PXDN: variants seen among roughly 807,000 people sequenced by gnomAD.
The protein encoded by PXDN is peroxidasin homolog.
PXDN carries 77 observed loss-of-function variants against 140.3 expected under a neutral mutation model. That is an observed-to-expected ratio of 0.55 (90% confidence interval 0.46 to 0.66). The LOEUF (loss-of-function observed/expected upper bound fraction) is 0.66. Ranked by LOEUF, PXDN falls within the 30% of genes least tolerant of loss-of-function variation. PXDN has a pLI of 0.00. For missense variants in PXDN, 1,838 were observed against 2,039.5 expected, an observed-to-expected ratio of 0.90 and a Z score of 1.90; for synonymous variants, 911 against 857.4, an observed-to-expected ratio of 1.06 and a Z score of -1.09.
At chr2:1,710,886 T>C (rs367560818) in intron 1 of PXDN, among the ~76,000 whole-genome samples, 25 of 15,096 alleles carry the variant, frequency 1.7e-3, no homozygotes, top group Non-Finnish European at 1.9e-3. Context: ...CACCAGCACC[T>C]GCTCCACCAG....
At chr2:1,725,561 G>A (rs1685159095) in intron 1 of PXDN, among the ~76,000 whole-genome samples, 1 of 152,050 alleles carries the variant, frequency 6.6e-6, no homozygotes, top group Non-Finnish European at 1.5e-5. Flanking sequence ...GGCAACAAAA[G>A]CCAAAATTGA....
At chr2:1,654,573 C>G (rs945246922) in intron 14 of PXDN, 65 bp from the exon 15 acceptor site, 3 of 1,022,334 alleles carry the variant, frequency 2.9e-6, no homozygotes, top group African/African-American at 3.2e-5. Flanking sequence ...AAAATGATGT[C>G]TAGACACTAC....
Position 1,680,356 on chromosome 2 carries a change from C to T in PXDN, c.567G>A (p.Leu189=). Residue 189 remains leucine, a synonymous_variant, in exon 7 of 23, where the codon CTG becomes CTA. Transcript: ENST00000252804. ...NHLESMKRLR[L]DSNTLHCDCE... ...AGTCGCAGTGAAGTGTGTTTGAGTCCAGTCGCCTGTGGGAAGGAAGATGCA... is the reference window on the plus strand; with the variant it reads ...AGTCGCAGTGAAGTGTGTTTGAGTCTAGTCGCCTGTGGGAAGGAAGATGCA... 6.2e-7 allele frequency: 1 copy of T among 1,613,982 alleles called. No homozygotes were observed. The highest frequency in any genetic ancestry group is 8.5e-7 in the Non-Finnish European group (1 of 1,179,882).
chr2:1,632,458 G>C lies in PXDN; in HGVS notation c.*1746C>G, dbSNP rs1442215314. ...CTACATTTGACTTGCTATTTCAAAA[G>C]AAGTCCACATGTCATGAAACACCAA... On this transcript the variant is annotated 3_prime_UTR_variant, in exon 23 of 23. Coordinates refer to ENST00000252804, the MANE Select transcript of PXDN (RefSeq NM_012293.3). The surrounding 1 kb of genome is among the most constrained non-coding windows in gnomAD (Gnocchi z 4.3). The C allele has an allele frequency of 6.6e-6, 1 of 152,198 alleles. No homozygotes were observed. The highest frequency in any genetic ancestry group is 1.5e-5 in the Non-Finnish European group (1 of 68,040). 9.4% of individuals were successfully genotyped at this position (152,198 alleles called of 1,614,324 possible). A position where few individuals can be genotyped will look rare whatever the true frequency, so the allele number is the denominator to read the frequency against.
rs1240841820 is a variant in PXDN, at chr2:1,689,309, C to A, written c.345-1606G>T. Among the ~76,000 whole-genome samples, 15 of 152,178 alleles carry A rather than the reference C, an allele frequency of 9.9e-5. 1 individual carries two copies. The highest frequency in any genetic ancestry group is 9.2e-4 in the Admixed American group (14 of 15,274). ...AGAAGGCAAGTTTAAATGTAATTTT[C>A]TGTGCCCATTTATTTAAAAAGAAAA... On this transcript the variant is annotated intron_variant, in intron 3 of 22. Transcript: ENST00000252804.
rs558438287 is a variant in PXDN at position 1,713,639 on chromosome 2, C to T, written c.201-20505G>A. Among the ~76,000 whole-genome samples, 17 of 152,324 alleles carry T rather than the reference C, an allele frequency of 1.1e-4. No homozygotes were observed. In the South Asian group the frequency reaches 3.3e-3, roughly 30 times the overall value. On this transcript the variant is annotated intron_variant, in intron 1 of 22. Coordinates refer to ENST00000252804, the MANE Select transcript of PXDN (RefSeq NM_012293.3). ...AGGGGCTGTACCTCCAAATGGACCC[C>T]GGGTGGGCGGGAGCCTCGGTCCCCC...
chr2:1,713,199 G>C (rs1159151418), intron 1 of PXDN, among the ~76,000 whole-genome samples: 1 of 152,124 alleles, frequency 6.6e-6, no homozygotes, highest in Non-Finnish European at 1.5e-5. Context: ...GTCACAAGCA[G>C]GGCCCTCAGG....
At chr2:1,673,281 A>AC (rs1346040072) in intron 9 of PXDN, among the ~76,000 whole-genome samples, 1 of 152,144 alleles carries the variant, frequency 6.6e-6, no homozygotes, top group African/African-American at 2.4e-5. Context: ...CCTCGTTACC[A>AC]CATGGCAACA....
At chr2:1,731,030 C>T (rs1478778348) in intron 1 of PXDN, among the ~76,000 whole-genome samples, 1 of 152,124 alleles carries the variant, frequency 6.6e-6, no homozygotes, top group African/African-American at 2.4e-5. Flanking sequence ...GGTAAAATCA[C>T]TGTAAGTCCC....
chr2:1,743,881 G>T lies in PXDN; in HGVS notation c.200+375C>A, dbSNP rs1335538190. On this transcript the variant is annotated intron_variant, in intron 1 of 22. Transcript: ENST00000252804. ...GCGGAGGAGGGGCCGCGAACCAGGGGGAAGCGGGAGGCCGGCGGAGCATGA... is the reference window on the plus strand; with the variant it reads ...GCGGAGGAGGGGCCGCGAACCAGGGTGAAGCGGGAGGCCGGCGGAGCATGA... Among the ~76,000 whole-genome samples, 10 of 148,088 alleles carry T rather than the reference G, an allele frequency of 6.8e-5. No individual in the cohort carries two copies. In the East Asian group the frequency reaches 2.1e-3, roughly 31 times the overall value.
Position 1,744,464 on chromosome 2 carries a change from G to A in PXDN, c.-9C>T, listed in dbSNP as rs940713228. On this transcript the variant is annotated 5_prime_UTR_variant, in exon 1 of 23. Transcript: ENST00000252804. ...CTGGAGCGCTTGGCCATGGCCGACGGCGCGGACGGACGCTCGGACGCACGG... is the reference window on the plus strand; with the variant it reads ...CTGGAGCGCTTGGCCATGGCCGACGACGCGGACGGACGCTCGGACGCACGG... The A allele has an allele frequency of 5.5e-6, 8 of 1,448,682 alleles. No homozygotes were observed. In the African/African-American group the frequency reaches 1.0e-4, roughly 19 times the overall value. 89.7% of individuals were successfully genotyped at this position (1,448,682 alleles called of 1,614,324 possible). A position where few individuals can be genotyped will look rare whatever the true frequency, so the allele number is the denominator to read the frequency against.
rs765626714 is a variant in PXDN at position 1,714,974 on chromosome 2, G to C, written c.201-21840C>G. On this transcript the variant is annotated intron_variant, in intron 1 of 22. Transcript: ENST00000252804. This position sits in a 1 kb window ranked among gnomAD's most constrained non-coding sequence, Gnocchi z 4.3. ...CAGGTTTTAGGCGACATATGAACAC[G>C]CCACCCATTAATACAAAGCCCCCTC... 6.6e-6 allele frequency among the ~76,000 whole-genome samples: 1 copy of C among 151,984 alleles called. No homozygotes were observed. Among genetic ancestry groups the C allele is most frequent in the African/African-American group, 2.4e-5 (1 of 41,370 alleles).
At chr2:1,700,441 C>T (rs1035978615) in intron 1 of PXDN, among the ~76,000 whole-genome samples, 4 of 152,048 alleles carry the variant, frequency 2.6e-5, no homozygotes, top group African/African-American at 7.2e-5. Context: ...ATTTGGGTCA[C>T]GATGTTAAAA....
chr2:1,690,826 AG>A (rs1326619234), intron 3 of PXDN, among the ~76,000 whole-genome samples: 1 of 152,212 alleles, frequency 6.6e-6, no homozygotes, highest in Non-Finnish European at 1.5e-5. Context: ...TATCGCACAG[AG>A]GGAATATATT....
At chr2:1,706,088 C>T (rs1684599714) in intron 1 of PXDN, among the ~76,000 whole-genome samples, 1 of 152,152 alleles carries the variant, frequency 6.6e-6, no homozygotes. Context: ...GACTGGATGC[C>T]AGATTCAAGT....
At chr2:1,655,383 T>C (rs1052489575) in intron 14 of PXDN, among the ~76,000 whole-genome samples, 2 of 146,898 alleles carry the variant, frequency 1.4e-5, no homozygotes, top group South Asian at 2.2e-4. Flanking sequence ...CAAATCACAT[T>C]ACACACACAC....
At chr2:1,635,562 G>T in intron 21 of PXDN, 41 bp from the exon 22 acceptor site, 1 of 1,398,086 alleles carries the variant, frequency 7.2e-7, no homozygotes, top group South Asian at 1.2e-5. Context: ...GGGCACTTCA[G>T]AGTAACAGCT....
rs774211312 is a variant in PXDN at position 1,692,015 on chromosome 2, G to A, written c.273-16C>T. On this transcript the variant is annotated splice_polypyrimidine_tract_variant and intron_variant, in intron 2 of 22. Coordinates refer to ENST00000252804, the MANE Select transcript of PXDN (RefSeq NM_012293.3). The stretch of plus-strand genomic sequence containing the variant: ...ATTGAGAAGCCTATGAAAGAGAGTC[G>A]ATAAGAATTTTAAAAAACAACAGAA... 35 of 1,483,332 alleles carry A rather than the reference G, an allele frequency of 2.4e-5. No individual in the cohort carries two copies. The highest frequency in any genetic ancestry group is 4.7e-5 in the Admixed American group (2 of 42,154). The allele number at this position is 1,483,332 out of a possible 1,614,324, so 91.9% of individuals were successfully genotyped here. A position where few individuals can be genotyped will look rare whatever the true frequency, so the allele number is the denominator to read the frequency against.
chr2:1,744,402 C>A lies in PXDN; in HGVS notation c.54G>T (p.Leu18=). The A allele has an allele frequency of 6.6e-7, 1 of 1,519,090 alleles. No homozygotes were observed. Among genetic ancestry groups the A allele is most frequent in the Non-Finnish European group, 8.8e-7 (1 of 1,140,350 alleles). 94.1% of individuals were successfully genotyped at this position (1,519,090 alleles called of 1,614,324 possible). A position where few individuals can be genotyped will look rare whatever the true frequency, so the allele number is the denominator to read the frequency against. Residue 18 remains leucine, a synonymous_variant, in exon 1 of 23, where the codon CTG becomes CTT. Transcript: ENST00000252804. The part of the protein sequence containing the change: ...PGRRCLLALV[L]FCAWGTLAVV... ...CGGCCAGCGTCCCCCAGGCGCAGAA[C>A]AGCACGAGCGCCAACAGGCAGCGGC...
Sources: allele counts gnomAD v4.1 joint callset (sites outside exome capture counted in the v4.1 genomes callset), GRCh38; gene constraint gnomAD v4.1.1; non-coding constraint Gnocchi (gnomAD v3.1); transcripts MANE v1.5; gene names NCBI Gene and HGNC (gene_info 2026-07-23, HGNC 2026-07-21).